AMY2B: variants seen among roughly 807,000 people sequenced by gnomAD.
AMY2B encodes alpha-amylase 2B.
Under a neutral mutation model 59.3 loss-of-function variants are expected in AMY2B, and 63 were observed. The observed-to-expected ratio is 1.06, with a 90% CI of 0.87 to 1.31. AMY2B has a LOEUF of 1.31. Among genes scored for constraint, AMY2B ranks in the 50% most tolerant of loss-of-function variants. The pLI, the probability that AMY2B is intolerant of heterozygous loss-of-function variation, is 0.00. For missense variants in AMY2B, 635 were observed against 626.7 expected (o/e 1.01, Z -0.14); for synonymous variants, 180 against 198.1 (o/e 0.91, Z 0.77).
chr1:103,574,797 A>G (rs1346990150), intron 5 of AMY2B, among the ~76,000 whole-genome samples: 2 of 151,470 alleles, frequency 1.3e-5, no homozygotes, highest in East Asian at 1.9e-4. Flanking sequence ...ATAACAATAC[A>G]GTATTGAAGC....
chr1:103,561,417 G>C (rs973600174), intron 1 of AMY2B, among the ~76,000 whole-genome samples: 17 of 151,966 alleles, frequency 1.1e-4, no homozygotes, highest in East Asian at 1.9e-4. Flanking sequence ...ACAGGTGCCA[G>C]ATACCATGCC....
At chr1:103,556,523 G>C (rs1651556664) in intron 1 of AMY2B, among the ~76,000 whole-genome samples, 2 of 151,984 alleles carry the variant, frequency 1.3e-5, no homozygotes. Flanking sequence ...ATTTAAATAA[G>C]AGTGGGGTGG....
intron 2 of AMY2B, among the ~76,000 whole-genome samples, chr1:103,566,399 A>T (rs1365330151): frequency 6.6e-6 from 1 of 152,190 alleles, no homozygotes; most frequent in Non-Finnish European, 1.5e-5. Context: ...TATTTTACTA[A>T]CTGCATTAAA....
chr1:103,555,020 T>C (rs941465349), exon 1 of AMY2B: 1 of 152,138 alleles, frequency 6.6e-6, no homozygotes, highest in Non-Finnish European at 1.5e-5. Flanking sequence ...TAATGGGCTT[T>C]TATGATGTTT....
chr1:103,573,349 C>T (rs564684717), intron 3 of AMY2B, 89 bp downstream of exon 3: 75 of 1,590,968 alleles, frequency 4.7e-5, no homozygotes, highest in African/African-American at 3.9e-4. Flanking sequence ...ATTTTAAATA[C>T]GAATTTAGAT....
intron 1 of AMY2B, among the ~76,000 whole-genome samples, chr1:103,558,683 A>T (rs1313947642): frequency 6.6e-6 from 1 of 151,672 alleles, no homozygotes; most frequent in South Asian, 2.1e-4. Flanking sequence ...GGACCACTTA[A>T]GCTCAGGAAT....
chr1:103,564,299 T>C (rs542979282), intron 1 of AMY2B, among the ~76,000 whole-genome samples: 1 of 152,106 alleles, frequency 6.6e-6, no homozygotes, highest in Non-Finnish European at 1.5e-5. Flanking sequence ...GTTTTCACAT[T>C]TGGAACCTTG....
intron 1 of AMY2B, among the ~76,000 whole-genome samples, chr1:103,556,675 G>A (rs1651563312): frequency 6.6e-6 from 1 of 151,836 alleles, no homozygotes; most frequent in South Asian, 2.1e-4. Flanking sequence ...TAAGTTTTAG[G>A]ATGTGAGGAT....
At chr1:103,577,958 C>A in intron 9 of AMY2B, 113 bp downstream of exon 9, 2 of 1,552,822 alleles carry the variant, frequency 1.3e-6, no homozygotes, top group Admixed American at 2.0e-5. Flanking sequence ...GTCAGTGGAG[C>A]AAGAAGACAA....
chr1:103,556,682 G>GGAT (rs1209975868), intron 1 of AMY2B, among the ~76,000 whole-genome samples: 1 of 151,900 alleles, frequency 6.6e-6, no homozygotes, highest in Non-Finnish European at 1.5e-5. Context: ...TAGGATGTGA[G>GGAT]GATGGGAGTA....
intron 1 of AMY2B, among the ~76,000 whole-genome samples, chr1:103,561,153 T>C (rs1338457951): frequency 6.6e-6 from 1 of 152,208 alleles, no homozygotes; most frequent in Non-Finnish European, 1.5e-5. Flanking sequence ...CATTTCCTAA[T>C]TGAGAACCTA....
intron 4 of AMY2B, 120 bp from the exon 5 acceptor site, chr1:103,574,140 G>T: frequency 1.3e-6 from 2 of 1,488,634 alleles, no homozygotes; most frequent in South Asian, 1.3e-5. Context: ...ATAATAAATA[G>T]CTTAATTTAT....
upstream of AMY2B, among the ~76,000 whole-genome samples, chr1:103,568,136 T>G (rs1162522530): frequency 6.6e-6 from 1 of 152,222 alleles, no homozygotes; most frequent in Non-Finnish European, 1.5e-5. Flanking sequence ...TTCTTTTCTT[T>G]CCACTAGAAT....
chr1:103,556,637 G>C (rs1231770176), intron 1 of AMY2B, among the ~76,000 whole-genome samples: 3 of 151,918 alleles, frequency 2.0e-5, no homozygotes, highest in Non-Finnish European at 4.4e-5. Flanking sequence ...TAGTATAATA[G>C]TACTAAGTAT....
chr1:103,571,636 T>G lies in AMY2B; in HGVS notation c.34T>G (p.Phe12Val), dbSNP rs748254577. 17 of 1,611,750 alleles carry G rather than the reference T, an allele frequency of 1.1e-5. No homozygotes were observed. Among genetic ancestry groups the G allele is most frequent in the Non-Finnish European group, 1.4e-5 (16 of 1,179,768 alleles). The change falls in exon 1 of 10, where the codon TTC (phenylalanine) becomes GTC (valine). Residue 12 changes from phenylalanine to valine, a missense_variant. Coordinates refer to ENST00000684275, the MANE Select transcript of AMY2B (RefSeq NM_001387437.1). The part of the protein sequence containing the change: ...KFFLLLFTIG[F>V]CWAQYSPNTQ... Reference sequence around the variant, plus strand: ...CTTTCTGTTGCTTTTCACCATTGGGTTCTGCTGGGCTCAGTATTCCCCAAA... The same window carrying G: ...CTTTCTGTTGCTTTTCACCATTGGGGTCTGCTGGGCTCAGTATTCCCCAAA...
chr1:103,574,360 G>C lies in AMY2B; in HGVS notation c.845G>C (p.Arg282Pro), dbSNP rs201396892. 3 of 1,611,622 alleles carry C rather than the reference G, an allele frequency of 1.9e-6. No individual in the cohort carries two copies. Among genetic ancestry groups the C allele is most frequent in the African/African-American group, 1.3e-5 (1 of 74,928 alleles). Residue 282 changes from arginine to proline, a missense_variant, in exon 5 of 10, where the codon CGC becomes CCC. Coordinates refer to ENST00000684275, the MANE Select transcript of AMY2B (RefSeq NM_001387437.1). Reference protein sequence around the residue: ...KYGAKLGTVIRKWNGEKMSYL... With the variant: ...KYGAKLGTVIPKWNGEKMSYL... ...GGTGCAAAACTCGGCACAGTTATTC[G>C]CAAGTGGAATGGAGAGAAGATGTCT...
At chr1:103,575,841 A>G (rs1195599361) in intron 7 of AMY2B, 4 of 284,286 alleles carry the variant, frequency 1.4e-5, no homozygotes, top group African/African-American at 4.5e-5. Flanking sequence ...ACTTCGAATA[A>G]GTACCTACCT....
At chr1:103,577,019 G>T (rs1373326728) in intron 7 of AMY2B, among the ~76,000 whole-genome samples, 1 of 152,152 alleles carries the variant, frequency 6.6e-6, no homozygotes, top group Non-Finnish European at 1.5e-5. Context: ...AAGATCAGCT[G>T]ACCTGAGGAG....
At chr1:103,571,199 T>G, upstream of AMY2B, 1 of 785,498 alleles carries the variant, frequency 1.3e-6, no homozygotes, top group Non-Finnish European at 1.6e-6. Flanking sequence ...TCGCCTTGAG[T>G]TGGAAGCGGT....
Sources: allele counts gnomAD v4.1 joint callset (sites outside exome capture counted in the v4.1 genomes callset), GRCh38; gene constraint gnomAD v4.1.1; transcripts MANE v1.5; gene names NCBI Gene and HGNC (gene_info 2026-07-23, HGNC 2026-07-21).